NFKBID: variants seen among roughly 807,000 people sequenced by gnomAD.
The protein encoded by NFKBID is NFKB inhibitor delta, also known as NF-kappa-B inhibitor delta.
A neutral mutation model predicts 53.4 loss-of-function variants in NFKBID; 26 were observed. That is an observed-to-expected ratio of 0.49 (90% CI 0.36 to 0.68). The LOEUF (loss-of-function observed/expected upper bound fraction) is 0.68, where lower values mean the gene tolerates loss of function less well. Ranked by LOEUF, NFKBID falls within the 30% of genes least tolerant of loss-of-function variation. The pLI is 0.00. For missense variants in NFKBID, 493 were observed against 614.1 expected (o/e 0.80, Z 2.08); for synonymous variants, 262 against 259.8 (o/e 1.01, Z -0.08).
chr19:35,899,997 G>T (rs1365143111), intron 1 of NFKBID, among the ~76,000 whole-genome samples: 1 of 142,982 alleles, frequency 7.0e-6, no homozygotes, highest in Non-Finnish European at 1.5e-5. Flanking sequence ...CAGAGGCAGG[G>T]TCACCGCCAG....
At position 35,890,209 on chromosome 19, in the gene NFKBID, C is replaced by T. The variant is rs142351818; in HGVS notation, c.1150-155G>A. Among the ~76,000 whole-genome samples, 256 of 152,282 alleles carry T rather than the reference C, an allele frequency of 1.7e-3. 3 individuals are homozygous for T. The highest frequency in any genetic ancestry group is 5.1e-3 in the African/African-American group (211 of 41,552). ...AGCCACGCTGCATGCATCCCTGTGT[C>T]CACGGACTACATGTTCTGGGGCAAT... On this transcript the variant is annotated intron_variant, in intron 10 of 11. Transcript: ENST00000641389.
At chr19:35,891,468 T>A (rs966739118) in intron 9 of NFKBID, among the ~76,000 whole-genome samples, 5 of 152,098 alleles carry the variant, frequency 3.3e-5, no homozygotes, top group African/African-American at 9.7e-5. Context: ...ATGAAAAAAA[T>A]TATCATTTTA....
exon 4 of NFKBID, chr19:35,897,808 C>T: frequency 6.3e-7 from 1 of 1,589,686 alleles, no homozygotes; most frequent in Non-Finnish European, 8.5e-7. Context: ...GCCCAGGCTG[C>T]TAGGTCCAGA....
upstream of NFKBID, among the ~76,000 whole-genome samples, chr19:35,900,813 CTTTTTT>C (rs1240155426): frequency 7.8e-6 from 1 of 127,938 alleles, no homozygotes; most frequent in Admixed American, 7.6e-5. Context: ...TTTTCTTTTT[CTTTTTT>C]TTCTTTTCTT....
At chr19:35,891,069 A>G (rs147954283) in intron 9 of NFKBID, among the ~76,000 whole-genome samples, 194 of 152,246 alleles carry the variant, frequency 1.3e-3, no homozygotes, top group African/African-American at 4.5e-3. Context: ...AGTTCTTCAA[A>G]GCAACTGCCT....
intron 9 of NFKBID, among the ~76,000 whole-genome samples, chr19:35,893,759 A>C (rs1006136046): frequency 1.4e-5 from 2 of 146,016 alleles, no homozygotes. Context: ...GGCGGAGCTT[A>C]CAGTGAGCCG....
At chr19:35,889,852 C>G (rs766498101) in intron 11 of NFKBID, 38 bp downstream of exon 11, 1 of 1,567,588 alleles carries the variant, frequency 6.4e-7, no homozygotes, top group East Asian at 2.3e-5. Context: ...CCCGCGAGCT[C>G]AGAGGCCACT....
At position 35,900,547 on chromosome 19, in the gene NFKBID, G is replaced by A. The variant is rs1975505439; in HGVS notation, c.-45C>T. 1.6e-6 allele frequency: 2 copies of A among 1,231,624 alleles called. No individual in the cohort carries two copies. The highest frequency in any genetic ancestry group is 8.4e-5 in the Admixed American group (2 of 23,704). 76.3% of individuals were successfully genotyped at this position (1,231,624 alleles called of 1,614,324 possible). A position where few individuals can be genotyped will look rare whatever the true frequency, so the allele number is the denominator to read the frequency against. On this transcript the variant is annotated 5_prime_UTR_variant, in exon 1 of 12. Coordinates refer to ENST00000641389, the Ensembl canonical transcript of NFKBID. Reference sequence around the variant, plus strand: ...GAGCCGCCGCCGGGTCCCCGATCTTGGGTCCGGTACCCGCGAGTTTTTAAA... The same window carrying A: ...GAGCCGCCGCCGGGTCCCCGATCTTAGGTCCGGTACCCGCGAGTTTTTAAA...
chr19:35,889,836 C>T (rs1974627583), intron 11 of NFKBID, 54 bp downstream of exon 11: 10 of 1,527,858 alleles, frequency 6.5e-6, no homozygotes, highest in Non-Finnish European at 8.9e-6. Context: ...GGGAGGTCAT[C>T]CCGCGCCCGC....
rs955872620 is a variant in NFKBID at position 35,900,552 on chromosome 19, C to T, written c.-50G>A. The T allele has an allele frequency of 4.1e-6, 5 of 1,231,494 alleles. No homozygotes were observed. The highest frequency in any genetic ancestry group is 8.2e-5 in the South Asian group (2 of 24,322). 76.3% of individuals were successfully genotyped at this position (1,231,494 alleles called of 1,614,324 possible). A position where few individuals can be genotyped will look rare whatever the true frequency, so the allele number is the denominator to read the frequency against. On this transcript the variant is annotated 5_prime_UTR_variant, in exon 1 of 12. Transcript: ENST00000641389. ...GCCGCCGGGTCCCCGATCTTGGGTC[C>T]GGTACCCGCGAGTTTTTAAACTAGG...
rs536337553 is a variant in NFKBID at position 35,896,639 on chromosome 19, C to T, written c.684+87G>A. The T allele has an allele frequency of 5.8e-5, 88 of 1,525,448 alleles. 2 individuals carry two copies. In the Middle Eastern group the frequency reaches 1.7e-3, roughly 29 times the overall value. The allele number at this position is 1,525,448 out of a possible 1,614,324, so 94.5% of individuals were successfully genotyped here. On this transcript the variant is annotated intron_variant, in intron 6 of 11. Transcript: ENST00000641389. This position sits in a 1 kb window ranked among gnomAD's most constrained non-coding sequence, Gnocchi z 5.7. ...CCCTCAGCCCCAGGAGCTCACCCCCCATTCCCCTCTTCTCTAGGATCCAGG... is the reference window on the plus strand; with the variant it reads ...CCCTCAGCCCCAGGAGCTCACCCCCTATTCCCCTCTTCTCTAGGATCCAGG...
chr19:35,901,789 G>A (rs1383347153), upstream of NFKBID: 1 of 215,318 alleles, frequency 4.6e-6, no homozygotes, highest in East Asian at 1.4e-4. Context: ...TTGAACTCCT[G>A]ATCTCAGGTG....
chr19:35,890,030 T>C lies in NFKBID; in HGVS notation c.1174A>G (p.Met392Val). The C allele has an allele frequency of 1.9e-6, 3 of 1,604,932 alleles. No homozygotes were observed. The highest frequency in any genetic ancestry group is 1.7e-6 in the Non-Finnish European group (2 of 1,178,332). ...GGCCCAGGGGGCAGGGCAGCCGCCA[T>C]GTGGAGGGCTGTGTTCCCGTGGGCC... The change falls in exon 11 of 12, where the codon ATG (methionine) becomes GTG (valine). Residue 392 changes from methionine (M) to valine (V), a missense_variant. Physicochemically the swap from Met to Val is conservative, Grantham distance 21. Coordinates refer to ENST00000641389, the Ensembl canonical transcript of NFKBID.
At chr19:35,895,487 C>G (rs958740733) in intron 9 of NFKBID, among the ~76,000 whole-genome samples, 2 of 149,698 alleles carry the variant, frequency 1.3e-5, no homozygotes, top group African/African-American at 5.0e-5. Context: ...GACCCTGTCT[C>G]AAAAACAAAA....
At chr19:35,897,678 C>T (rs770278901) in exon 4 of NFKBID, 18 of 1,605,486 alleles carry the variant, frequency 1.1e-5, no homozygotes, top group Middle Eastern at 3.3e-4. Context: ...ATGGGCACGG[C>T]TGCCCTGGGT....
intron 2 of NFKBID, 89 bp downstream of exon 2, chr19:35,898,630 C>G: frequency 7.1e-7 from 1 of 1,410,376 alleles, no homozygotes; most frequent in Non-Finnish European, 9.6e-7. Context: ...CAGGACCACC[C>G]CTCTCATCAG....
At chr19:35,898,444 G>A in intron 3 of NFKBID, 28 bp downstream of exon 3, 3 of 1,475,954 alleles carry the variant, frequency 2.0e-6, no homozygotes, top group Non-Finnish European at 2.7e-6. Flanking sequence ...GAAGGGGGAT[G>A]GGGAGGCCGG....
intron 9 of NFKBID, among the ~76,000 whole-genome samples, chr19:35,891,611 G>A (rs1356798628): frequency 6.6e-6 from 1 of 152,144 alleles, no homozygotes; most frequent in Non-Finnish European, 1.5e-5. Flanking sequence ...GCTCATGCCT[G>A]TAATCCCAGC....
rs199998467 is a variant in NFKBID at position 35,889,979 on chromosome 19, G to A, written c.1225C>T (p.Leu409=). Residue 409 remains leucine, a synonymous_variant, in exon 11 of 12, where the codon CTG becomes TTG. Coordinates refer to ENST00000641389, the Ensembl canonical transcript of NFKBID. Reference sequence around the variant, plus strand: ...GTGGGGTCCGCCCCAGCTGCCAACAGGTGCCGCACGATGGCCTCCTGGGCC... The same window carrying A: ...GTGGGGTCCGCCCCAGCTGCCAACAAGTGCCGCACGATGGCCTCCTGGGCC... The A allele has an allele frequency of 5.8e-5, 93 of 1,611,232 alleles. No individual in the cohort carries two copies. In the East Asian group the frequency reaches 1.9e-3, roughly 33 times the overall value.
Sources: gnomAD v4.1 joint callset for allele counts (sites outside exome capture counted in the v4.1 genomes callset) on GRCh38, gnomAD v4.1.1 for gene constraint, Gnocchi (gnomAD v3.1) non-coding constraint, MANE v1.5 for transcripts, NCBI Gene and HGNC (gene_info 2026-07-23, HGNC 2026-07-21) for gene names.